The following ZFHX3 variants were observed in gnomAD, a reference collection of about 807,000 sequenced individuals.
The protein encoded by ZFHX3 is zinc finger homeobox 3, also known as zinc finger homeobox protein 3.
A neutral mutation model predicts 279.1 loss-of-function variants in ZFHX3; 42 were observed. The observed-to-expected ratio is 0.15, with a 90% CI of 0.12 to 0.19. The LOEUF (loss-of-function observed/expected upper bound fraction) is 0.19, where lower values mean the gene tolerates loss of function less well. ZFHX3 is among the 10% of genes least tolerant of loss of function. The pLI is 1.00. For missense variants in ZFHX3, 4,981 were observed against 4,754.0 expected (o/e 1.05, Z -1.40); for synonymous variants, 2,293 against 1,957.8 (o/e 1.17, Z -4.52).
At chr16:73,138,429 C>T (rs1001254378) in intron 6 of ZFHX3, among the ~76,000 whole-genome samples, 11 of 152,088 alleles carry the variant, frequency 7.2e-5, no homozygotes, top group Admixed American at 6.6e-5. Flanking sequence ...TGGATCTGTC[C>T]GCTGCAGAGA....
In ZFHX3 at chr16:73,055,863, C is replaced by CACACAT. The variant is rs1462303243; in HGVS notation, c.-24+2666_-24+2667insATGTGT. On this transcript the variant is annotated intron_variant, in intron 1 of 8. Transcript: ENST00000397992. ...CTACAACTCTACACACACACACACA[C>CACACAT]ACACACACACGCAGAGAACACCACT... 2.6e-5 allele frequency among the ~76,000 whole-genome samples: 4 copies of CACACAT among 152,004 alleles called. No homozygotes were observed. The East Asian group carries it at 7.8e-4, about 30-fold the overall frequency.
chr16:73,868,606 T>A (rs1468602349), intron 1 of ZFHX3, among the ~76,000 whole-genome samples: 1 of 152,202 alleles, frequency 6.6e-6, no homozygotes, highest in East Asian at 1.9e-4. Context: ...CTGAAAGTTG[T>A]ATGCTGTGCA....
intron 4 of ZFHX3, among the ~76,000 whole-genome samples, chr16:73,298,875 C>A (rs530661456): frequency 1.3e-5 from 2 of 152,186 alleles, no homozygotes. Flanking sequence ...CTTTGCAGAG[C>A]TGTGGATACA....
At chr16:73,097,030 T>A (rs1021812463) in intron 7 of ZFHX3, among the ~76,000 whole-genome samples, 1 of 151,890 alleles carries the variant, frequency 6.6e-6, no homozygotes. Flanking sequence ...TCTCTTCTCT[T>A]TCTCTGTCTC....
chr16:72,931,772 C>T (rs370231399), intron 3 of ZFHX3, among the ~76,000 whole-genome samples: 5 of 152,046 alleles, frequency 3.3e-5, no homozygotes, highest in Non-Finnish European at 5.9e-5. Flanking sequence ...TTAAGTCATC[C>T]GAGCCACGGA....
At chr16:72,889,121 C>T (rs566181522) in intron 4 of ZFHX3, among the ~76,000 whole-genome samples, 6 of 152,002 alleles carry the variant, frequency 3.9e-5, no homozygotes, top group Admixed American at 2.0e-4. Flanking sequence ...GAGGTAGAAA[C>T]GAGGCAAGCT....
rs34548922 is a variant in ZFHX3 at position 73,877,202 on chromosome 16, C to CG, written c.-1608+14448dup. On this transcript the variant is annotated intron_variant, in intron 1 of 17. Transcript: ENST00000641206. ...GATGGTTGGGTTCGGGGGGTTAGGT[C>CG]GGGGGGGGGTCCCAGGCACTTGCTT... is the stretch of plus-strand genomic sequence containing the variant. 2.0e-3 allele frequency among the ~76,000 whole-genome samples: 249 copies of CG among 125,160 alleles called. 1 individual carries two copies. The highest frequency in any genetic ancestry group is 3.0e-3 in the Non-Finnish European group (183 of 60,916). The allele number at this position is 125,160 out of a possible 152,430, so 82.1% of individuals were successfully genotyped here. A position where few individuals can be genotyped will look rare whatever the true frequency, so the allele number is the denominator to read the frequency against.
chr16:73,088,832 C>T (rs1966039685), intron 8 of ZFHX3, among the ~76,000 whole-genome samples: 1 of 152,170 alleles, frequency 6.6e-6, no homozygotes, highest in Admixed American at 6.5e-5. Context: ...ATAGTGCTGG[C>T]CATGCCCACT....
intron 3 of ZFHX3, among the ~76,000 whole-genome samples, chr16:73,355,827 G>A (rs1020118899): frequency 2.6e-5 from 4 of 152,152 alleles, no homozygotes. Context: ...GAGCGCGACG[G>A]TACCAAGCAT....
intron 3 of ZFHX3, among the ~76,000 whole-genome samples, chr16:73,413,134 T>A (rs891111158): frequency 5.3e-5 from 8 of 152,136 alleles, no homozygotes; most frequent in Non-Finnish European, 1.2e-4. Flanking sequence ...CCACAGAGAT[T>A]CAGAAAATAG....
intron 3 of ZFHX3, among the ~76,000 whole-genome samples, chr16:73,353,259 T>C (rs540642790): frequency 6.6e-6 from 1 of 152,202 alleles, no homozygotes. Context: ...AAATCACCCA[T>C]GGGCTCATTT....
At chr16:72,874,174 G>A (rs1033130131) in intron 4 of ZFHX3, among the ~76,000 whole-genome samples, 1 of 149,642 alleles carries the variant, frequency 6.7e-6, no homozygotes, top group African/African-American at 2.5e-5. Flanking sequence ...TCTTGTGCCT[G>A]GAGCTCAGAT....
At chr16:72,869,686 C>G (rs760134302) in intron 4 of ZFHX3, among the ~76,000 whole-genome samples, 2 of 152,222 alleles carry the variant, frequency 1.3e-5, no homozygotes, top group Non-Finnish European at 2.9e-5. Flanking sequence ...ATGACCACCA[C>G]TTTCATTTGC....
chr16:73,486,290 C>A (rs183242872), intron 2 of ZFHX3, among the ~76,000 whole-genome samples: 1 of 152,312 alleles, frequency 6.6e-6, no homozygotes, highest in East Asian at 1.9e-4. Flanking sequence ...ACCAAGTAAC[C>A]AGTGGAAACC....
At chr16:73,751,462 T>C (rs139291855) in intron 1 of ZFHX3, among the ~76,000 whole-genome samples, 51 of 152,312 alleles carry the variant, frequency 3.3e-4, no homozygotes, top group African/African-American at 8.7e-4. Context: ...TTGGACAACA[T>C]TGTACCTGGA....
At chr16:73,672,697 A>G (rs1419317959) in intron 2 of ZFHX3, among the ~76,000 whole-genome samples, 1 of 151,996 alleles carries the variant, frequency 6.6e-6, no homozygotes, top group Non-Finnish European at 1.5e-5. Flanking sequence ...TAGGATCAAC[A>G]CTAAGGTTTT....
chr16:72,982,220 A>C (rs1962636975), intron 1 of ZFHX3, among the ~76,000 whole-genome samples: 1 of 152,192 alleles, frequency 6.6e-6, no homozygotes, highest in African/African-American at 2.4e-5. Flanking sequence ...TTGACCTCTA[A>C]CAATCTTTTT....
intron 5 of ZFHX3, among the ~76,000 whole-genome samples, chr16:72,812,720 T>C (rs1597264792): frequency 2.0e-5 from 3 of 152,232 alleles, no homozygotes; most frequent in South Asian, 2.1e-4. Context: ...TGGGTGGGAA[T>C]AGGGAAAGTT....
At chr16:73,142,523 C>T (rs539540003) in intron 6 of ZFHX3, among the ~76,000 whole-genome samples, 2 of 152,172 alleles carry the variant, frequency 1.3e-5, no homozygotes, top group South Asian at 4.1e-4. Context: ...GCAGGGCCAC[C>T]CTTCTTCCTG....
Sources: gnomAD v4.1 joint callset for allele counts (sites outside exome capture counted in the v4.1 genomes callset) on GRCh38, gnomAD v4.1.1 for gene constraint, MANE v1.5 for transcripts, NCBI Gene and HGNC (gene_info 2026-07-23, HGNC 2026-07-21) for gene names.